ALPK1: variants seen among roughly 807,000 people sequenced by gnomAD.
ALPK1 encodes the protein alpha-protein kinase 1.
A neutral mutation model predicts 120.6 loss-of-function variants in ALPK1; 110 were observed. The ratio of observed to expected loss-of-function variants is 0.91; its 90% CI spans 0.78 to 1.07. ALPK1 has a LOEUF of 1.07. Among genes scored for constraint, ALPK1 ranks in the 50% least tolerant of loss-of-function variants. The probability of loss-of-function intolerance (pLI) is 0.00; values close to 1 mark genes in which losing one functional copy is unlikely to be tolerated. For synonymous variants in ALPK1, 582 were observed against 560.3 expected, an observed-to-expected ratio of 1.04 and a Z score of -0.55; for missense variants, 1,498 against 1,483.9, an observed-to-expected ratio of 1.01 and a Z score of -0.16.
intron 2 of ALPK1, among the ~76,000 whole-genome samples, chr4:112,374,569 TG>T (rs1731566621): frequency 6.6e-6 from 1 of 152,208 alleles, no homozygotes; most frequent in Non-Finnish European, 1.5e-5. Context: ...TAGAAGAATT[TG>T]CTTTGCCCAG....
At chr4:112,313,646 A>G (rs1385337065) in intron 1 of ALPK1, among the ~76,000 whole-genome samples, 3 of 152,258 alleles carry the variant, frequency 2.0e-5, no homozygotes, top group Admixed American at 1.3e-4. Flanking sequence ...TCGCTTGAAC[A>G]TGGGAGTTGG....
chr4:112,410,634 G>T (rs6812485), intron 4 of ALPK1, among the ~76,000 whole-genome samples: 40,595 of 152,076 alleles, frequency 0.27, 5,701 homozygotes, highest in Middle Eastern at 0.31. Flanking sequence ...GTTTAGCATA[G>T]GAAGATAATA....
chr4:112,357,080 C>A, intron 2 of ALPK1: 1 of 1,014,966 alleles, frequency 9.9e-7, no homozygotes, highest in Non-Finnish European at 1.5e-6. Context: ...CATTGCAAAG[C>A]TGAAGATGAT....
intron 2 of ALPK1, among the ~76,000 whole-genome samples, chr4:112,351,129 A>T (rs1378752045): frequency 6.6e-6 from 1 of 152,142 alleles, no homozygotes; most frequent in Non-Finnish European, 1.5e-5. Flanking sequence ...GTAGCTGGAG[A>T]GTATGAGCGG....
chr4:112,426,377 T>C lies in ALPK1; in HGVS notation c.623-90T>C, dbSNP rs538521797. The C allele has an allele frequency of 1.3e-5, 12 of 952,636 alleles. No individual in the cohort carries two copies. The East Asian group carries it at 2.3e-4, about 18-fold the overall frequency. The allele number at this position is 952,636 out of a possible 1,614,324, so 59.0% of individuals were successfully genotyped here. ...CAGAATCTAATGAGTCTTGGTTCTG[T>C]ATTTGTTTTCAAAGGTTTTCTCTAT... On this transcript the variant is annotated intron_variant, in intron 7 of 15. Transcript: ENST00000650871.
intron 4 of ALPK1, among the ~76,000 whole-genome samples, chr4:112,391,183 G>A (rs563596850): frequency 4.4e-4 from 67 of 152,270 alleles, no homozygotes; most frequent in African/African-American, 1.6e-3. Flanking sequence ...AATGTGGCTG[G>A]AAGTGACATA....
At chr4:112,348,250 T>C (rs1730181452) in intron 2 of ALPK1, among the ~76,000 whole-genome samples, 1 of 152,178 alleles carries the variant, frequency 6.6e-6, no homozygotes, top group Non-Finnish European at 1.5e-5. Context: ...AAATTCAGAA[T>C]TTCAGTTTTA....
intron 4 of ALPK1, among the ~76,000 whole-genome samples, chr4:112,385,066 T>C (rs1732092776): frequency 6.6e-6 from 1 of 152,168 alleles, no homozygotes; most frequent in Non-Finnish European, 1.5e-5. Context: ...CTTTTGAACA[T>C]AGGCTGAGTG....
intron 2 of ALPK1, among the ~76,000 whole-genome samples, chr4:112,326,427 T>G (rs1003820560): frequency 2.4e-4 from 37 of 152,172 alleles, no homozygotes; most frequent in Non-Finnish European, 1.0e-4. Flanking sequence ...TTTTTCTGTT[T>G]CATTTACATC....
In ALPK1 at chr4:112,391,587, A is replaced by G. The variant is rs552472906; in HGVS notation, c.276+9035A>G. ...GGTGAGCCCTTAAGCCAGTGTGACT[A>G]GTGGCCTTGTGAGAATACCTAGAGA... On this transcript the variant is annotated intron_variant, in intron 4 of 15. Coordinates refer to ENST00000650871, the MANE Select transcript of ALPK1 (RefSeq NM_025144.4). Among the ~76,000 whole-genome samples the G allele has an allele frequency of 7.9e-4, 121 of 152,324 alleles. 1 individual carries two copies. The highest frequency in any genetic ancestry group is 2.9e-3 in the African/African-American group (120 of 41,582).
chr4:112,318,955 C>G (rs1055402330), intron 2 of ALPK1, among the ~76,000 whole-genome samples: 2 of 152,182 alleles, frequency 1.3e-5, no homozygotes, highest in African/African-American at 4.8e-5. Flanking sequence ...GCAACTTGGA[C>G]CCTCCATGCC....
At chr4:112,418,274 T>C (rs1244945612) in intron 5 of ALPK1, among the ~76,000 whole-genome samples, 1 of 152,192 alleles carries the variant, frequency 6.6e-6, no homozygotes, top group Non-Finnish European at 1.5e-5. Flanking sequence ...ACCTTCTGAA[T>C]GTTGGGGGAA....
At chr4:112,343,903 G>T (rs925118588) in intron 2 of ALPK1, among the ~76,000 whole-genome samples, 6 of 152,150 alleles carry the variant, frequency 3.9e-5, no homozygotes, top group Non-Finnish European at 5.9e-5. Flanking sequence ...TTTAATTCTT[G>T]TCAGAAAGTA....
chr4:112,440,773 TA>T, intron 14 of ALPK1, 143 bp from the exon 15 acceptor site: 1 of 1,361,446 alleles, frequency 7.3e-7, no homozygotes, highest in Non-Finnish European at 9.5e-7. Context: ...TTACTAACTA[TA>T]AACCACAGGA....
chr4:112,358,583 T>TG, intron 2 of ALPK1: 1 of 717,610 alleles, frequency 1.4e-6, no homozygotes, highest in Non-Finnish European at 2.5e-6. Context: ...GCAGAGGCCC[T>TG]GGGGGCTGCT....
rs1268765663 is a variant in ALPK1, at chr4:112,337,720, G to A, written c.-101+21868G>A. 3.3e-5 allele frequency among the ~76,000 whole-genome samples: 5 copies of A among 151,770 alleles called. No individual in the cohort carries two copies. The South Asian group carries it at 6.3e-4, about 19-fold the overall frequency. ...TGTGTTTTTAGAAAGAAAAGGAAAG[G>A]AAAGGAAAGAAAGAAATTTCCAAGT... On this transcript the variant is annotated intron_variant, in intron 2 of 15. Transcript: ENST00000650871.
intron 2 of ALPK1, among the ~76,000 whole-genome samples, chr4:112,372,181 T>G (rs1216959157): frequency 1.3e-5 from 2 of 152,138 alleles, no homozygotes; most frequent in Non-Finnish European, 2.9e-5. Context: ...TTTACTTCAA[T>G]TTGTCAATAT....
chr4:112,363,631 A>C (rs4833404), intron 2 of ALPK1, among the ~76,000 whole-genome samples: 56,743 of 152,016 alleles, frequency 0.37, 10,942 homozygotes, highest in East Asian at 0.61. Flanking sequence ...CTCCACCGAC[A>C]GCACTAGACA....
intron 2 of ALPK1, among the ~76,000 whole-genome samples, chr4:112,368,170 C>G (rs1433797356): frequency 6.6e-6 from 1 of 152,178 alleles, no homozygotes; most frequent in Admixed American, 6.5e-5. Context: ...CACCCACCTC[C>G]ACCTCCCAAA....
Sources: allele counts gnomAD v4.1 joint callset (sites outside exome capture counted in the v4.1 genomes callset), GRCh38; gene constraint gnomAD v4.1.1; transcripts MANE v1.5; gene names NCBI Gene and HGNC (gene_info 2026-07-23, HGNC 2026-07-21).